Variants in XPO7 observed in about 807,000 individuals in gnomAD.
The protein encoded by XPO7 is exportin-7.
A neutral mutation model predicts 144.3 loss-of-function variants in XPO7; 21 were observed. The observed-to-expected ratio is 0.15, with a 90% confidence interval of 0.10 to 0.21. The LOEUF is 0.21. XPO7 is among the 10% of genes least tolerant of loss of function. XPO7 has a pLI of 1.00. For missense variants in XPO7, 808 were observed against 1,325.8 expected, an observed-to-expected ratio of 0.61 and a Z score of 6.06; for synonymous variants, 580 against 499.6, an observed-to-expected ratio of 1.16 and a Z score of -2.15.
intron 27 of XPO7, 117 bp downstream of exon 27, chr8:22,004,147 G>A: frequency 7.4e-7 from 1 of 1,360,170 alleles, no homozygotes; most frequent in Non-Finnish European, 1.0e-6. Flanking sequence ...CTAAAGCAAT[G>A]CAATGCAATA....
At chr8:21,927,652 TCTC>T (rs1163853148) in intron 1 of XPO7, among the ~76,000 whole-genome samples, 6 of 151,756 alleles carry the variant, frequency 4.0e-5, no homozygotes, top group African/African-American at 1.5e-4. Context: ...TTCAAGCAGT[TCTC>T]CTGCCTCAGC....
chr8:21,979,379 C>A (rs1431078853), intron 8 of XPO7, among the ~76,000 whole-genome samples: 2 of 145,338 alleles, frequency 1.4e-5, no homozygotes, highest in African/African-American at 5.1e-5. Flanking sequence ...ATGTGATATG[C>A]TTATTTCTTT....
intron 1 of XPO7, among the ~76,000 whole-genome samples, chr8:21,961,336 C>G (rs1378235830): frequency 1.3e-5 from 2 of 151,566 alleles, no homozygotes; most frequent in East Asian, 3.9e-4. Context: ...CAGCCTCTTG[C>G]ATACTTGGGA....
chr8:21,934,577 T>C, intron 1 of XPO7, among the ~76,000 whole-genome samples: 1 of 152,166 alleles, frequency 6.6e-6, no homozygotes, highest in East Asian at 1.9e-4. Context: ...CTGATATTTT[T>C]ATTTTGGGGT....
chr8:21,924,409 T>A (rs1810392460), intron 1 of XPO7, among the ~76,000 whole-genome samples: 1 of 151,678 alleles, frequency 6.6e-6, no homozygotes, highest in Non-Finnish European at 1.5e-5. Flanking sequence ...GCCCCAGAAG[T>A]CCCCTGATAC....
chr8:21,998,062 C>T (rs577347360), intron 21 of XPO7, among the ~76,000 whole-genome samples: 1 of 152,230 alleles, frequency 6.6e-6, no homozygotes, highest in Non-Finnish European at 1.5e-5. Context: ...CCCTCTCCCT[C>T]AGTTGCCACT....
intron 24 of XPO7, among the ~76,000 whole-genome samples, chr8:22,000,699 T>C (rs1241867061): frequency 1.3e-5 from 2 of 152,122 alleles, no homozygotes; most frequent in African/African-American, 2.4e-5. Context: ...ATGATCCGCC[T>C]GGCTTGGCCT....
chr8:21,998,902 G>T, intron 22 of XPO7, 65 bp downstream of exon 22: 1 of 1,569,874 alleles, frequency 6.4e-7, no homozygotes, highest in South Asian at 1.1e-5. Flanking sequence ...ACTGTAAGCA[G>T]CATGTGGGTC....
chr8:21,957,204 A>G (rs1347761727), intron 1 of XPO7, among the ~76,000 whole-genome samples: 7 of 151,986 alleles, frequency 4.6e-5, no homozygotes, highest in Admixed American at 6.6e-5. Context: ...CTCCCACTTC[A>G]TTGACCTATT....
rs573533105 is a variant in XPO7 at position 21,934,605 on chromosome 8, G to T, written c.18+14817G>T. 2.6e-5 allele frequency among the ~76,000 whole-genome samples: 4 copies of T among 152,290 alleles called. No homozygotes were observed. The South Asian group carries it at 8.3e-4, about 32-fold the overall frequency. On this transcript the variant is annotated intron_variant, in intron 1 of 27. Transcript: ENST00000252512. ...TTTGGGGTGACAGTATTCACTGAAA[G>T]AAGGGGACAGTGTACCAGACAAAAA...
At chr8:21,958,049 C>A (rs1176987913) in intron 1 of XPO7, among the ~76,000 whole-genome samples, 2 of 152,106 alleles carry the variant, frequency 1.3e-5, no homozygotes, top group Admixed American at 1.3e-4. Flanking sequence ...GCGATTTAAG[C>A]AAACGTTTGA....
In XPO7 at chr8:21,994,373, T is replaced by A; in HGVS notation, c.2159T>A (p.Val720Asp). 1 of 1,612,092 alleles carries A rather than the reference T, an allele frequency of 6.2e-7. No individual in the cohort carries two copies. Among genetic ancestry groups the A allele is most frequent in the Non-Finnish European group, 8.5e-7 (1 of 1,178,536 alleles). ...FNEQEAKRTL[V>D]GLVRDLRGIA... ...TGCCTTCTACTACAGCGAACTCTAG[T>A]TGGCCTAGTAAGAGACCTGAGAGGG... The change falls in exon 20 of 28, where the codon GTT becomes GAT. Residue 720 changes from valine (V) to aspartate (D), a missense_variant. Physicochemically the swap from Val to Asp is radical, Grantham distance 152. This residue lies in a region of XPO7 where 416 missense variants were observed against 612.5 expected (regional missense o/e 0.68). Coordinates refer to ENST00000252512, the MANE Select transcript of XPO7 (RefSeq NM_015024.5).
intron 12 of XPO7, 132 bp downstream of exon 12, chr8:21,984,971 A>G (rs554093841): frequency 1.1e-6 from 1 of 946,052 alleles, no homozygotes; most frequent in South Asian, 1.7e-5. Flanking sequence ...CATATGCACA[A>G]GAATCTTTAT....
rs771291567 is a variant in XPO7, at chr8:21,919,802, C to CG, written c.18+21dup. The CG allele has an allele frequency of 1.7e-4, 85 of 504,290 alleles. No individual in the cohort carries two copies. The East Asian group carries it at 2.7e-3, about 16-fold the overall frequency. 31.2% of individuals were successfully genotyped at this position (504,290 alleles called of 1,614,324 possible). On this transcript the variant is annotated intron_variant, in intron 1 of 27. Transcript: ENST00000252512. ...GATCATGTGCAGGTGAGAGGAGCCG[C>CG]GGGGGGGAGGGGGCGACCACGAAGA...
intron 1 of XPO7, among the ~76,000 whole-genome samples, chr8:21,965,763 A>G (rs1811863365): frequency 6.6e-6 from 1 of 152,230 alleles, no homozygotes; most frequent in Admixed American, 6.5e-5. Context: ...AGTGTAATGA[A>G]ATAAAGTGAT....
chr8:22,001,086 G>A (rs1294674443), intron 24 of XPO7, among the ~76,000 whole-genome samples: 3 of 152,026 alleles, frequency 2.0e-5, no homozygotes, highest in Admixed American at 6.6e-5. Context: ...AGGCTGAGGC[G>A]GGCAGATCAC....
chr8:21,976,619 G>C, intron 7 of XPO7, 98 bp downstream of exon 7: 8 of 1,361,292 alleles, frequency 5.9e-6, no homozygotes, highest in Non-Finnish European at 7.8e-6. Context: ...TGTGTATTCT[G>C]AGGGAGAATT....
intron 1 of XPO7, among the ~76,000 whole-genome samples, chr8:21,950,063 T>G (rs1206341177): frequency 6.6e-6 from 1 of 152,238 alleles, no homozygotes; most frequent in Admixed American, 6.5e-5. Context: ...CCTTGGTGTC[T>G]TCAGTCTCTT....
chr8:21,969,407 G>A, intron 2 of XPO7, 76 bp from the exon 3 acceptor site: 1 of 1,262,776 alleles, frequency 7.9e-7, no homozygotes. Flanking sequence ...AATCTGAGCA[G>A]AGATCTCCAA....
Sources: allele counts gnomAD v4.1 joint callset (sites outside exome capture counted in the v4.1 genomes callset), GRCh38; gene constraint gnomAD v4.1.1; regional missense constraint gnomAD v4.1.1; transcripts MANE v1.5; gene names NCBI Gene and HGNC (gene_info 2026-07-23, HGNC 2026-07-21).